CMIP: variants seen among roughly 807,000 people sequenced by gnomAD.
CMIP encodes the protein c-Maf inducing protein, also known as C-Maf-inducing protein.
In CMIP, 13 loss-of-function variants were observed where a neutral mutation model predicts 97.3. That is an observed-to-expected ratio of 0.13 (90% CI 0.09 to 0.21). The LOEUF (loss-of-function observed/expected upper bound fraction) is 0.21. Among genes scored for constraint, CMIP ranks in the 10% least tolerant of loss-of-function variants. CMIP has a pLI of 1.00. For missense variants in CMIP, 847 were observed against 1,024.9 expected, an observed-to-expected ratio of 0.83 and a Z score of 2.37; for synonymous variants, 538 against 436.3, an observed-to-expected ratio of 1.23 and a Z score of -2.91.
intron 1 of CMIP, among the ~76,000 whole-genome samples, chr16:81,592,509 CTCCT>C (rs1457107169): frequency 6.6e-6 from 1 of 152,204 alleles, no homozygotes; most frequent in Non-Finnish European, 1.5e-5. Flanking sequence ...CCGGACCCTC[CTCCT>C]TCCTCCTGCG....
intron 1 of CMIP, among the ~76,000 whole-genome samples, chr16:81,537,546 C>CA (rs397695977): frequency 0.012 from 1,016 of 82,034 alleles, 8 homozygotes; most frequent in African/African-American, 0.026. Flanking sequence ...AAAAAAAAGA[C>CA]AAAAAAAAAA....
intron 1 of CMIP, among the ~76,000 whole-genome samples, chr16:81,483,462 CTCTGAGGGAGAGGAGAGAGCTGTG>C (rs1230899354): frequency 2.0e-5 from 3 of 152,152 alleles, no homozygotes; most frequent in African/African-American, 7.2e-5. Context: ...TGGCCGTTAA[CTCTGAGGGAGAGGAGAGAGCTGTG>C]TCTGCTCTAA....
chr16:81,604,264 C>G (rs529929933), intron 1 of CMIP, among the ~76,000 whole-genome samples: 1 of 151,208 alleles, frequency 6.6e-6, no homozygotes, highest in African/African-American at 2.4e-5. Flanking sequence ...GGCGTGGTGG[C>G]GCACGCCTGT....
intron 1 of CMIP, among the ~76,000 whole-genome samples, chr16:81,491,092 G>A (rs2089398336): frequency 6.6e-6 from 1 of 152,162 alleles, no homozygotes; most frequent in South Asian, 2.1e-4. Flanking sequence ...TGGGGTAGGG[G>A]TTTTGTGGTG....
chr16:81,482,711 A>C (rs1258649821), intron 1 of CMIP, among the ~76,000 whole-genome samples: 1 of 152,218 alleles, frequency 6.6e-6, no homozygotes. Context: ...TGCAGGCTGC[A>C]TCTTCCCATT....
At chr16:81,450,623 C>A (rs1243064918) in intron 1 of CMIP, among the ~76,000 whole-genome samples, 1 of 152,140 alleles carries the variant, frequency 6.6e-6, no homozygotes, top group Non-Finnish European at 1.5e-5. Context: ...TGGGTGGCCT[C>A]CAGAGAGTTC....
intron 1 of CMIP, among the ~76,000 whole-genome samples, chr16:81,564,386 AGT>A (rs2090941556): frequency 6.6e-6 from 1 of 152,204 alleles, no homozygotes; most frequent in African/African-American, 2.4e-5. Flanking sequence ...TGTCTTTACG[AGT>A]GTGTGTTATA....
chr16:81,549,909 G>T (rs2090620000), intron 1 of CMIP, among the ~76,000 whole-genome samples: 1 of 152,200 alleles, frequency 6.6e-6, no homozygotes, highest in African/African-American at 2.4e-5. Flanking sequence ...TGTGCAGTGT[G>T]CTGTGTGTAC....
At chr16:81,518,886 G>C (rs1209982381) in intron 1 of CMIP, 3 of 148,176 alleles carry the variant, frequency 2.0e-5, no homozygotes, top group East Asian at 2.0e-4. Flanking sequence ...GCCCAGGCTG[G>C]AGTGCAGTGG....
intron 1 of CMIP, among the ~76,000 whole-genome samples, chr16:81,604,722 A>G (rs1029688282): frequency 2.6e-5 from 4 of 152,134 alleles, no homozygotes; most frequent in Non-Finnish European, 5.9e-5. Flanking sequence ...ACAAAAAAAC[A>G]GTATGTATTT....
At position 81,625,510 on chromosome 16, in the gene CMIP, C is replaced by T. The variant is rs141453052; in HGVS notation, c.477+4584C>T. On this transcript the variant is annotated intron_variant, in intron 3 of 20. Coordinates refer to ENST00000537098, the MANE Select transcript of CMIP (RefSeq NM_198390.3). Reference sequence around the variant, plus strand: ...GTGAGGGCACAGGCCTGTGTGCACACGAGGCCATGAAGGCCCAGTCTGTGG... The same window carrying T: ...GTGAGGGCACAGGCCTGTGTGCACATGAGGCCATGAAGGCCCAGTCTGTGG... 7.0e-4 allele frequency among the ~76,000 whole-genome samples: 107 copies of T among 152,322 alleles called. 1 individual carries two copies. Among genetic ancestry groups the T allele is most frequent in the Middle Eastern group, 3.4e-3 (1 of 294 alleles).
chr16:81,673,213 T>C (rs565670574), intron 9 of CMIP, among the ~76,000 whole-genome samples: 7 of 152,090 alleles, frequency 4.6e-5, no homozygotes, highest in African/African-American at 1.7e-4. Flanking sequence ...ATCAGTGAAG[T>C]ATGAATTAAT....
intron 1 of CMIP, among the ~76,000 whole-genome samples, chr16:81,530,419 C>T (rs1343087781): frequency 6.6e-6 from 1 of 152,042 alleles, no homozygotes; most frequent in Non-Finnish European, 1.5e-5. Flanking sequence ...TAGTGAGTAT[C>T]ACTGTAACCT....
intron 1 of CMIP, among the ~76,000 whole-genome samples, chr16:81,535,831 A>C (rs1221278046): frequency 6.6e-6 from 1 of 152,170 alleles, no homozygotes; most frequent in East Asian, 1.9e-4. Flanking sequence ...TTACAGTGAT[A>C]GAAAGTTTTG....
intron 3 of CMIP, among the ~76,000 whole-genome samples, chr16:81,636,582 A>C (rs1359356804): frequency 3.7e-5 from 2 of 53,344 alleles, no homozygotes; most frequent in African/African-American, 1.1e-4. Flanking sequence ...CTTCGTCTCA[A>C]AAAAAAAAAA....
chr16:81,695,323 A>G (rs1340894444), intron 13 of CMIP: 7 of 152,100 alleles, frequency 4.6e-5, no homozygotes, highest in African/African-American at 1.4e-4. Flanking sequence ...TATTTGCTAT[A>G]TTTGTTGAAT....
At chr16:81,462,530 G>T (rs1906958307) in intron 1 of CMIP, among the ~76,000 whole-genome samples, 1 of 152,116 alleles carries the variant, frequency 6.6e-6, no homozygotes, top group Non-Finnish European at 1.5e-5. Flanking sequence ...TCATTAAGTA[G>T]AAAGATCAAG....
At chr16:81,613,776 A>G (rs2091869263) in intron 2 of CMIP, among the ~76,000 whole-genome samples, 1 of 152,318 alleles carries the variant, frequency 6.6e-6, no homozygotes, top group African/African-American at 2.4e-5. Context: ...TGAATGCCCC[A>G]TTCATCCATC....
intron 1 of CMIP, among the ~76,000 whole-genome samples, chr16:81,585,779 C>A (rs574491694): frequency 1.8e-4 from 28 of 152,106 alleles, no homozygotes; most frequent in African/African-American, 6.7e-4. Flanking sequence ...CCTGCAGCCC[C>A]AAATGCCCTT....
Sources: gnomAD v4.1 joint callset for allele counts (sites outside exome capture counted in the v4.1 genomes callset) on GRCh38, gnomAD v4.1.1 for gene constraint, MANE v1.5 for transcripts, NCBI Gene and HGNC (gene_info 2026-07-23, HGNC 2026-07-21) for gene names.